JAZF1: variants seen among roughly 807,000 people sequenced by gnomAD.
The protein encoded by JAZF1 is JAZF zinc finger 1.
In JAZF1, 8 loss-of-function variants were observed where a neutral mutation model predicts 26.4. That is an observed-to-expected ratio of 0.30 (90% CI 0.18 to 0.55). The LOEUF (loss-of-function observed/expected upper bound fraction) is 0.55, where lower values mean the gene tolerates loss of function less well. Among genes scored for constraint, JAZF1 ranks in the 20% least tolerant of loss-of-function variants. JAZF1 has a pLI of 0.94. For synonymous variants in JAZF1, 126 were observed against 122.3 expected (o/e 1.03, Z -0.20); for missense variants, 199 against 322.0 (o/e 0.62, Z 2.92).
chr7:28,173,171 G>A (rs970332880), intron 1 of JAZF1, among the ~76,000 whole-genome samples: 1 of 152,156 alleles, frequency 6.6e-6, no homozygotes, highest in Non-Finnish European at 1.5e-5. Context: ...CCTGGGGCTG[G>A]AGCTTCATTA....
At chr7:28,136,609 G>T (rs1168310586) in intron 1 of JAZF1, among the ~76,000 whole-genome samples, 1 of 152,210 alleles carries the variant, frequency 6.6e-6, no homozygotes, top group Non-Finnish European at 1.5e-5. Context: ...CTATTTTTTA[G>T]TGAGCACCCA....
intron 2 of JAZF1, among the ~76,000 whole-genome samples, chr7:27,927,609 A>C (rs1784621342): frequency 6.6e-6 from 1 of 152,178 alleles, no homozygotes; most frequent in East Asian, 1.9e-4. Flanking sequence ...TTTTAAAGTA[A>C]ACTATAAGCC....
chr7:28,109,012 CAG>C (rs1177863136), intron 1 of JAZF1, among the ~76,000 whole-genome samples: 2 of 152,124 alleles, frequency 1.3e-5, no homozygotes, highest in Non-Finnish European at 2.9e-5. Flanking sequence ...CTCATAGAAA[CAG>C]AGGGTAGAAT....
chr7:27,933,916 T>C (rs935174942), intron 2 of JAZF1, among the ~76,000 whole-genome samples: 6 of 152,200 alleles, frequency 3.9e-5, no homozygotes, highest in Admixed American at 3.9e-4. Context: ...ACAGGAAAGA[T>C]AATCCAGGAA....
At chr7:27,892,933 G>C (rs1783997015) in intron 3 of JAZF1, among the ~76,000 whole-genome samples, 1 of 152,200 alleles carries the variant, frequency 6.6e-6, no homozygotes, top group Admixed American at 6.5e-5. Context: ...ATGGGTATTA[G>C]TGACTTGCCC....
At chr7:28,110,994 T>A (rs1051279383) in intron 1 of JAZF1, among the ~76,000 whole-genome samples, 45 of 152,338 alleles carry the variant, frequency 3.0e-4, no homozygotes, top group Admixed American at 1.1e-3. Flanking sequence ...ATGCTTGCAA[T>A]CTGGTCAACA....
intron 3 of JAZF1, among the ~76,000 whole-genome samples, chr7:27,891,672 T>G (rs1033592678): frequency 6.6e-6 from 1 of 151,730 alleles, no homozygotes; most frequent in Non-Finnish European, 1.5e-5. Flanking sequence ...ACAAAAAAAG[T>G]CAAAAAATTA....
chr7:27,961,767 AG>A lies in JAZF1; in HGVS notation c.188+30141del, dbSNP rs1785188569. Among the ~76,000 whole-genome samples the A allele has an allele frequency of 2.0e-5, 3 of 152,348 alleles. No homozygotes were observed. The South Asian group carries it at 6.2e-4, about 32-fold the overall frequency. On this transcript the variant is annotated intron_variant, in intron 2 of 4. Coordinates refer to ENST00000283928, the MANE Select transcript of JAZF1 (RefSeq NM_175061.4). ...ACATTGTCATTTAAACAGTTCCAGT[AG>A]GAGCTCCGGACAGAGCAACACTGCA... is the stretch of plus-strand genomic sequence containing the variant.
intron 1 of JAZF1, among the ~76,000 whole-genome samples, chr7:28,109,865 CAA>C (rs1439851935): frequency 6.6e-6 from 1 of 152,044 alleles, no homozygotes; most frequent in Non-Finnish European, 1.5e-5. Context: ...TCAGCCAAGC[CAA>C]AAGAGATGGG....
chr7:27,831,587 A>C lies in JAZF1; in HGVS notation c.*1213T>G, dbSNP rs1782701223. The C allele has an allele frequency of 4.4e-6, 1 of 226,098 alleles. No homozygotes were observed. The highest frequency in any genetic ancestry group is 5.7e-5 in the Admixed American group (1 of 17,518). The allele number at this position is 226,098 out of a possible 1,614,324, so 14.0% of individuals were successfully genotyped here. A position where few individuals can be genotyped will look rare whatever the true frequency, so the allele number is the denominator to read the frequency against. On this transcript the variant is annotated 3_prime_UTR_variant, in exon 5 of 5. Coordinates refer to ENST00000283928, the MANE Select transcript of JAZF1 (RefSeq NM_175061.4). ...TGACCACCTGCTGCAAGAAGCACTTAATTGTCAATAAGGCTCATTTTCCTA... is the reference window on the plus strand; with the variant it reads ...TGACCACCTGCTGCAAGAAGCACTTCATTGTCAATAAGGCTCATTTTCCTA...
At chr7:27,910,336 A>C (rs7804500) in intron 2 of JAZF1, among the ~76,000 whole-genome samples, 37,313 of 152,114 alleles carry the variant, frequency 0.25, 5,012 homozygotes, top group Non-Finnish European at 0.3. Flanking sequence ...AAGCCTGCAC[A>C]AATTTATGGG....
intron 1 of JAZF1, among the ~76,000 whole-genome samples, chr7:28,004,727 A>G (rs1368874724): frequency 6.6e-6 from 1 of 152,018 alleles, no homozygotes; most frequent in African/African-American, 2.4e-5. Context: ...ATCTCAGCTT[A>G]CTGCAACCTC....
At chr7:28,108,568 T>C (rs1784591580) in intron 1 of JAZF1, among the ~76,000 whole-genome samples, 1 of 152,188 alleles carries the variant, frequency 6.6e-6, no homozygotes, top group Non-Finnish European at 1.5e-5. Context: ...CTGTCCTCTG[T>C]GGAGAAAATG....
intron 2 of JAZF1, among the ~76,000 whole-genome samples, chr7:27,906,430 T>C (rs1436552775): frequency 2.0e-5 from 3 of 152,254 alleles, no homozygotes; most frequent in Non-Finnish European, 4.4e-5. Context: ...GCACCAAAGC[T>C]GAGCCATTGA....
chr7:27,833,973 TAG>T (rs1401632250), intron 4 of JAZF1, among the ~76,000 whole-genome samples: 1 of 152,056 alleles, frequency 6.6e-6, no homozygotes, highest in Non-Finnish European at 1.5e-5. Flanking sequence ...ATTGCCAGAT[TAG>T]AGAGTAAGGG....
intron 1 of JAZF1, among the ~76,000 whole-genome samples, chr7:28,110,604 A>AAAGG (rs199534020): frequency 0.071 from 7,788 of 109,162 alleles, 790 homozygotes; most frequent in East Asian, 0.43. Flanking sequence ...AAGGAAAAGG[A>AAAGG]AAAGGAAAGG....
intron 1 of JAZF1, among the ~76,000 whole-genome samples, chr7:28,083,524 T>G (rs1583551272): frequency 6.6e-6 from 1 of 152,262 alleles, no homozygotes; most frequent in Non-Finnish European, 1.5e-5. Flanking sequence ...TAAGGCTGTT[T>G]GCAAAGCTGT....
intron 2 of JAZF1, among the ~76,000 whole-genome samples, chr7:27,933,674 CT>C (rs1219938859): frequency 6.6e-6 from 1 of 152,286 alleles, no homozygotes; most frequent in Non-Finnish European, 1.5e-5. Context: ...TTTTTGCACA[CT>C]TGTGGACAAG....
At position 27,864,396 on chromosome 7, in the gene JAZF1, T is replaced by C. The variant is rs1325991928; in HGVS notation, c.386-23529A>G. Among the ~76,000 whole-genome samples the C allele has an allele frequency of 7.4e-4, 112 of 152,336 alleles. 1 individual carries two copies. The highest frequency in any genetic ancestry group is 8.8e-5 in the Non-Finnish European group (6 of 68,034). On this transcript the variant is annotated intron_variant, in intron 3 of 4. Transcript: ENST00000283928. ...CTAGGAAAAATCAGTCCCTTTCTCA[T>C]TAACCCTAGAGTGCCAGGCCCCTTC...
Sources: gnomAD v4.1 joint callset for allele counts (sites outside exome capture counted in the v4.1 genomes callset) on GRCh38, gnomAD v4.1.1 for gene constraint, MANE v1.5 for transcripts, NCBI Gene and HGNC (gene_info 2026-07-23, HGNC 2026-07-21) for gene names.